RANBP17: variants seen among roughly 807,000 people sequenced by gnomAD.
RANBP17 encodes the protein ran-binding protein 17.
RANBP17 carries 158 observed loss-of-function variants against 141.2 expected under a neutral mutation model. The ratio of observed to expected loss-of-function variants is 1.12; its 90% CI spans 0.98 to 1.28. RANBP17 has a LOEUF of 1.28. Among genes scored for constraint, RANBP17 ranks in the 50% most tolerant of loss-of-function variants. The pLI is 0.00. For synonymous variants in RANBP17, 430 were observed against 450.0 expected (o/e 0.96, Z 0.56); for missense variants, 1,438 against 1,290.7 (o/e 1.11, Z -1.75).
chr5:171,038,619 C>A (rs1782039562), intron 14 of RANBP17, among the ~76,000 whole-genome samples: 1 of 151,962 alleles, frequency 6.6e-6, no homozygotes, highest in South Asian at 2.1e-4. Context: ...GAGGTATGAT[C>A]CTTTGATGCC....
At chr5:170,983,661 G>A (rs566324113) in intron 14 of RANBP17, among the ~76,000 whole-genome samples, 1 of 152,278 alleles carries the variant, frequency 6.6e-6, no homozygotes, top group South Asian at 2.1e-4. Flanking sequence ...TATGTCAGAG[G>A]ATGGCAGTTT....
At chr5:171,215,752 G>A (rs1210568755) in intron 21 of RANBP17, among the ~76,000 whole-genome samples, 2 of 152,030 alleles carry the variant, frequency 1.3e-5, no homozygotes, top group African/African-American at 4.8e-5. Flanking sequence ...TGATGGAGTT[G>A]TTTGTTTTTT....
intron 14 of RANBP17, among the ~76,000 whole-genome samples, chr5:171,032,235 CCATTA>C (rs958350811): frequency 6.6e-6 from 1 of 152,042 alleles, no homozygotes; most frequent in Non-Finnish European, 1.5e-5. Context: ...TTTTAGATGT[CCATTA>C]AATGCTCATG....
chr5:170,983,207 G>T, intron 14 of RANBP17: 2 of 413,100 alleles, frequency 4.8e-6, no homozygotes, highest in Non-Finnish European at 9.0e-6. Context: ...TGTGCCTCAG[G>T]CCTTGAGAGC....
chr5:171,004,266 C>T (rs1416408199), intron 14 of RANBP17, among the ~76,000 whole-genome samples: 1 of 151,418 alleles, frequency 6.6e-6, no homozygotes, highest in East Asian at 1.9e-4. Flanking sequence ...GAGGAAGACA[C>T]GAAGGAGGCT....
intron 25 of RANBP17, among the ~76,000 whole-genome samples, chr5:171,278,288 G>T (rs1329009692): frequency 6.6e-6 from 1 of 152,116 alleles, no homozygotes; most frequent in Non-Finnish European, 1.5e-5. Flanking sequence ...GGAGGCCAAA[G>T]CGGGTGGATC....
chr5:171,144,815 T>C (rs777793085), intron 14 of RANBP17, among the ~76,000 whole-genome samples: 1 of 152,218 alleles, frequency 6.6e-6, no homozygotes, highest in African/African-American at 2.4e-5. Flanking sequence ...TGATCTTCTT[T>C]GGATGTCATA....
intron 14 of RANBP17, among the ~76,000 whole-genome samples, chr5:171,009,612 A>G (rs528125192): frequency 5.3e-5 from 8 of 152,320 alleles, no homozygotes; most frequent in South Asian, 2.1e-4. Flanking sequence ...TTTTCTACCT[A>G]TAGGCTACAT....
chr5:171,171,525 C>T (rs1013137216), intron 16 of RANBP17, among the ~76,000 whole-genome samples: 8 of 151,970 alleles, frequency 5.3e-5, no homozygotes, highest in African/African-American at 1.9e-4. Context: ...TAAGTAGTTA[C>T]AGTTATATTT....
intron 14 of RANBP17, among the ~76,000 whole-genome samples, chr5:171,169,814 C>T (rs533985416): frequency 7.3e-5 from 11 of 151,512 alleles, no homozygotes; most frequent in Non-Finnish European, 1.2e-4. Flanking sequence ...TACCTACTCC[C>T]GTCTTCCAGA....
chr5:170,945,860 G>A (rs1030313600), intron 12 of RANBP17, among the ~76,000 whole-genome samples: 3 of 152,104 alleles, frequency 2.0e-5, no homozygotes, highest in Non-Finnish European at 4.4e-5. Flanking sequence ...GATCCCCAAA[G>A]CATATGCAGT....
chr5:171,094,560 C>T (rs1482698182), intron 14 of RANBP17, among the ~76,000 whole-genome samples: 1 of 152,132 alleles, frequency 6.6e-6, no homozygotes, highest in African/African-American at 2.4e-5. Context: ...CTTAGAAACA[C>T]ATCCTTTAAA....
chr5:171,248,507 G>C (rs188914487), intron 24 of RANBP17, among the ~76,000 whole-genome samples: 5 of 152,266 alleles, frequency 3.3e-5, no homozygotes, highest in Admixed American at 3.3e-4. Context: ...AGAGAACTTA[G>C]GCAGTCCACG....
chr5:171,110,667 A>T (rs367672417), intron 14 of RANBP17, among the ~76,000 whole-genome samples: 1 of 152,178 alleles, frequency 6.6e-6, no homozygotes, highest in East Asian at 1.9e-4. Context: ...AAAAATGAAG[A>T]TCAAAAAGAA....
intron 14 of RANBP17, among the ~76,000 whole-genome samples, chr5:171,067,064 T>A (rs1784353733): frequency 6.6e-6 from 1 of 152,180 alleles, no homozygotes; most frequent in African/African-American, 2.4e-5. Context: ...ATTTTGCTGT[T>A]TTTCTATATG....
chr5:170,945,578 A>C (rs1197371095), intron 12 of RANBP17, among the ~76,000 whole-genome samples: 7 of 152,150 alleles, frequency 4.6e-5, no homozygotes, highest in Non-Finnish European at 5.9e-5. Flanking sequence ...CTGTGTTCTT[A>C]TTAGCTAAAT....
intron 14 of RANBP17, among the ~76,000 whole-genome samples, chr5:171,007,336 A>G (rs1198657189): frequency 1.4e-5 from 2 of 147,652 alleles, no homozygotes; most frequent in Non-Finnish European, 3.0e-5. Flanking sequence ...AGTTGCAGAA[A>G]GAAACTGTAA....
In RANBP17 at chr5:171,105,109, G is replaced by A. The variant is rs1029271347; in HGVS notation, c.1711-65021G>A. On this transcript the variant is annotated intron_variant, in intron 14 of 27. Transcript: ENST00000523189. ...TATTTAAAAAATTTTCCAGCCGGGC[G>A]CGGTGGCTCACGCCTGTAATCCCAG... 9.2e-4 allele frequency among the ~76,000 whole-genome samples: 140 copies of A among 151,932 alleles called. 1 individual carries two copies. Among genetic ancestry groups the A allele is most frequent in the Non-Finnish European group, 1.5e-3 (99 of 67,988 alleles).
At chr5:171,277,659 A>ATATG (rs1561823567) in intron 25 of RANBP17, among the ~76,000 whole-genome samples, 1 of 134,062 alleles carries the variant, frequency 7.5e-6, no homozygotes, top group African/African-American at 2.7e-5. Flanking sequence ...ATATATATAT[A>ATATG]TATATATATT....
Sources: allele counts gnomAD v4.1 joint callset (sites outside exome capture counted in the v4.1 genomes callset), GRCh38; gene constraint gnomAD v4.1.1; transcripts MANE v1.5; gene names NCBI Gene and HGNC (gene_info 2026-07-23, HGNC 2026-07-21).